The following ZMAT3 variants were observed in gnomAD, a reference collection of about 807,000 sequenced individuals.
ZMAT3 encodes zinc finger matrin-type protein 3.
ZMAT3 carries 17 observed loss-of-function variants against 32.3 expected under a neutral mutation model. The observed-to-expected ratio is 0.53, with a 90% CI of 0.36 to 0.79. The LOEUF is 0.79. Among genes scored for constraint, ZMAT3 ranks in the 30% least tolerant of loss-of-function variants. The probability of loss-of-function intolerance (pLI) is 0.00; values close to 1 mark genes in which losing one functional copy is unlikely to be tolerated. For missense variants in ZMAT3, 329 were observed against 359.7 expected (o/e 0.91, Z 0.69); for synonymous variants, 120 against 133.1 (o/e 0.90, Z 0.68).
At chr3:179,065,024 T>C (rs539174068) in intron 2 of ZMAT3, among the ~76,000 whole-genome samples, 32 of 152,356 alleles carry the variant, frequency 2.1e-4, no homozygotes, top group African/African-American at 7.2e-4. Context: ...TTTGCCTTAG[T>C]TGTCTGTTAA....
chr3:179,050,255 A>G (rs1274134011), intron 2 of ZMAT3, among the ~76,000 whole-genome samples: 2 of 152,144 alleles, frequency 1.3e-5, no homozygotes, highest in Non-Finnish European at 2.9e-5. Flanking sequence ...AATAAGAGAG[A>G]AAATCCAAAT....
At chr3:179,044,981 T>C (rs1185205034) in intron 2 of ZMAT3, among the ~76,000 whole-genome samples, 1 of 152,106 alleles carries the variant, frequency 6.6e-6, no homozygotes, top group African/African-American at 2.4e-5. Context: ...TATACCTATG[T>C]ATCAAACCTG....
rs1363809586 is a variant in ZMAT3 at position 179,046,567 on chromosome 3, C to T, written c.271-15568G>A. On this transcript the variant is annotated intron_variant, in intron 2 of 5. Transcript: ENST00000311417. This position sits in a 1 kb window ranked among gnomAD's most constrained non-coding sequence, Gnocchi z 4.3. Reference sequence around the variant, plus strand: ...CCGTGGGACAGCTGAGGAACTGAGTCGGCCTGCTTTCTCAGCTGGGAGGCT... The same window carrying T: ...CCGTGGGACAGCTGAGGAACTGAGTTGGCCTGCTTTCTCAGCTGGGAGGCT... Among the ~76,000 whole-genome samples the T allele has an allele frequency of 2.0e-5, 3 of 152,186 alleles. No homozygotes were observed. The highest frequency in any genetic ancestry group is 6.5e-5 in the Admixed American group (1 of 15,278).
chr3:179,033,585 CA>C (rs1719418933), intron 2 of ZMAT3, among the ~76,000 whole-genome samples: 3 of 151,334 alleles, frequency 2.0e-5, no homozygotes, highest in Admixed American at 2.0e-4. Context: ...TCACATTTTC[CA>C]GTGACTTATG....
intron 2 of ZMAT3, among the ~76,000 whole-genome samples, chr3:179,031,621 A>G (rs1464585714): frequency 6.6e-6 from 1 of 152,136 alleles, no homozygotes; most frequent in Non-Finnish European, 1.5e-5. Context: ...AAAAAGTATC[A>G]CATTGGCTGG....
intron 3 of ZMAT3, among the ~76,000 whole-genome samples, chr3:179,030,666 A>C (rs954040819): frequency 7.2e-5 from 11 of 152,226 alleles, no homozygotes; most frequent in African/African-American, 2.6e-4. Flanking sequence ...TTTAGCCCAG[A>C]ATTTTAAGAA....
chr3:179,055,478 C>CG (rs1385979870), intron 2 of ZMAT3, among the ~76,000 whole-genome samples: 1 of 150,880 alleles, frequency 6.6e-6, no homozygotes, highest in African/African-American at 2.4e-5. Flanking sequence ...CCCAGCGTCC[C>CG]CTCCCCGACT....
At chr3:179,025,307 GT>G in intron 5 of ZMAT3, 79 bp from the exon 6 acceptor site, 3 of 1,148,380 alleles carry the variant, frequency 2.6e-6, no homozygotes, top group Non-Finnish European at 3.7e-6. Flanking sequence ...ACTGTAATTT[GT>G]AATTCTAAGT....
chr3:179,063,983 G>C (rs1331897722), intron 2 of ZMAT3, among the ~76,000 whole-genome samples: 3 of 152,190 alleles, frequency 2.0e-5, no homozygotes, highest in Non-Finnish European at 4.4e-5. Flanking sequence ...GGGAACACTG[G>C]GATGTCAGGA....
chr3:179,070,755 G>T (rs1234588899), intron 1 of ZMAT3, among the ~76,000 whole-genome samples: 3 of 152,204 alleles, frequency 2.0e-5, no homozygotes, highest in Non-Finnish European at 4.4e-5. Flanking sequence ...GCTGGTTAAT[G>T]TCCTGGTTTG....
At position 179,024,823 on chromosome 3, in the gene ZMAT3, C is replaced by T. The variant is rs1368974658; in HGVS notation, c.*194G>A. 3 of 585,232 alleles carry T rather than the reference C, an allele frequency of 5.1e-6. No homozygotes were observed. Among genetic ancestry groups the T allele is most frequent in the African/African-American group, 1.9e-5 (1 of 53,614 alleles). 36.3% of individuals were successfully genotyped at this position (585,232 alleles called of 1,614,324 possible). On this transcript the variant is annotated 3_prime_UTR_variant, in exon 6 of 6. Transcript: ENST00000311417. The stretch of plus-strand genomic sequence containing the variant: ...CAAAAGCGTTATGACCTAAGAAGCA[C>T]GTTCTTCACACCCACCTCCCCCCGC...
At chr3:179,068,381 G>A (rs1721531155) in intron 1 of ZMAT3, among the ~76,000 whole-genome samples, 3 of 152,016 alleles carry the variant, frequency 2.0e-5, no homozygotes, top group South Asian at 2.1e-4. Flanking sequence ...GTGTGGTGGC[G>A]AGTGCCTGTA....
intron 2 of ZMAT3, among the ~76,000 whole-genome samples, chr3:179,042,263 A>T (rs115218773): frequency 1.6e-4 from 25 of 152,332 alleles, no homozygotes; most frequent in African/African-American, 6.0e-4. Flanking sequence ...TGGAAGAGAT[A>T]CAACAAAAAC....
intron 2 of ZMAT3, among the ~76,000 whole-genome samples, chr3:179,050,231 A>C (rs1720480115): frequency 6.6e-6 from 1 of 152,112 alleles, no homozygotes; most frequent in Non-Finnish European, 1.5e-5. Context: ...ACAATTATTG[A>C]GGTTAGCCAA....
chr3:179,045,209 T>C lies in ZMAT3; in HGVS notation c.271-14210A>G, dbSNP rs568614537. On this transcript the variant is annotated intron_variant, in intron 2 of 5. Transcript: ENST00000311417. ...TGAAATAAGATAAAAACCAGACAAG[T>C]GCAGTGTCATAGAAGTCTGGAACAA... 1.6e-3 allele frequency among the ~76,000 whole-genome samples: 240 copies of C among 152,064 alleles called. 3 individuals carry two copies. The highest frequency in any genetic ancestry group is 5.6e-3 in the African/African-American group (231 of 41,458).
intron 1 of ZMAT3, among the ~76,000 whole-genome samples, chr3:179,070,547 TA>T (rs1721657387): frequency 6.6e-6 from 1 of 152,186 alleles, no homozygotes; most frequent in African/African-American, 2.4e-5. Context: ...GTATAAAATA[TA>T]AATCTTAAAA....
At position 179,017,553 on chromosome 3, in the gene ZMAT3, C is replaced by T. The variant is rs776531841; in HGVS notation, c.*7464G>A. On this transcript the variant is annotated 3_prime_UTR_variant, in exon 6 of 6. Transcript: ENST00000311417. ...CCAACAGCATACACAGATCTTAAGC[C>T]TCTGTATGACATTTAGAGAAAATTT... The T allele has an allele frequency of 1.3e-5, 2 of 152,152 alleles. No individual in the cohort carries two copies. Among genetic ancestry groups the T allele is most frequent in the South Asian group, 2.1e-4 (1 of 4,820 alleles). 9.4% of individuals were successfully genotyped at this position (152,152 alleles called of 1,614,324 possible). A position where few individuals can be genotyped will look rare whatever the true frequency, so the allele number is the denominator to read the frequency against.
rs146131040 is a variant in ZMAT3 at position 179,030,156 on chromosome 3, T to C, written c.390+724A>G. 9.6e-3 allele frequency among the ~76,000 whole-genome samples: 1,462 copies of C among 152,262 alleles called. 13 individuals carry two copies. Among genetic ancestry groups the C allele is most frequent in the South Asian group, 0.033 (157 of 4,826 alleles). On this transcript the variant is annotated intron_variant, in intron 3 of 5. Coordinates refer to ENST00000311417, the MANE Select transcript of ZMAT3 (RefSeq NM_022470.4). ...CTTGGTTTTCAAGTCTGTTTCATGA[T>C]AGCAAGGTTCAAAACATGTTTACAC... is the stretch of plus-strand genomic sequence containing the variant.
At chr3:179,064,110 C>A (rs140091564) in intron 2 of ZMAT3, among the ~76,000 whole-genome samples, 1 of 152,194 alleles carries the variant, frequency 6.6e-6, no homozygotes, top group Non-Finnish European at 1.5e-5. Flanking sequence ...TTACAATACC[C>A]GAGGCAATTT....
Sources: gnomAD v4.1 joint callset for allele counts (sites outside exome capture counted in the v4.1 genomes callset) on GRCh38, gnomAD v4.1.1 for gene constraint, Gnocchi (gnomAD v3.1) non-coding constraint, MANE v1.5 for transcripts, NCBI Gene and HGNC (gene_info 2026-07-23, HGNC 2026-07-21) for gene names.